PUDP: variants seen among roughly 807,000 people sequenced by gnomAD.
PUDP encodes the protein pseudouridine 5'-phosphatase, also known as pseudouridine-5'-phosphatase.
In PUDP, 8 loss-of-function variants were observed where a neutral mutation model predicts 9.4. That is an observed-to-expected ratio of 0.85 (90% CI 0.50 to 1.53). The LOEUF is 1.53. PUDP is among the 40% of genes most tolerant of loss of function. PUDP has a pLI of 0.00. For synonymous variants in PUDP, 99 were observed against 80.7 expected, an observed-to-expected ratio of 1.23 and a Z score of -1.22; for missense variants, 188 against 189.7, an observed-to-expected ratio of 0.99 and a Z score of 0.05.
intron 1 of PUDP, among the ~76,000 whole-genome samples, chrX:7,146,579 T>A (rs1932864315): frequency 1.8e-5 from 2 of 111,409 alleles, no homozygotes; most frequent in Non-Finnish European, 3.8e-5. Context: ...GGGATTTTTT[T>A]TTTCCTTTGG....
chrX:6,761,575 A>G (rs756572002), intron 3 of PUDP, among the ~76,000 whole-genome samples: 1 of 112,321 alleles, frequency 8.9e-6, no homozygotes, highest in Non-Finnish European at 1.9e-5. Context: ...TCTTTAAAAC[A>G]GTGCCCTTTG....
intron 3 of PUDP, among the ~76,000 whole-genome samples, chrX:6,948,169 A>G (rs1321448017): frequency 8.9e-6 from 1 of 112,206 alleles, no homozygotes; most frequent in Admixed American, 9.5e-5. Context: ...TTTTATATTG[A>G]CTCAGGAGAG....
intron 3 of PUDP, among the ~76,000 whole-genome samples, chrX:6,910,223 T>A (rs760130107): frequency 4.5e-5 from 5 of 112,032 alleles, no homozygotes; most frequent in Non-Finnish European, 9.4e-5. Context: ...ACCTTAACTG[T>A]GATAAGAATG....
In PUDP at chrX:6,829,716, A is replaced by G. The variant is rs1310684941; in HGVS notation, c.*248-123250T>C. On this transcript the variant is annotated intron_variant and NMD_transcript_variant, in intron 3 of 3. Transcript: ENST00000655425. ...TCTGTTATGACCTTGAGCCCATTTTAAAGTCAGGATATTGTTGCTTTTTAA... is the reference window on the plus strand; with the variant it reads ...TCTGTTATGACCTTGAGCCCATTTTGAAGTCAGGATATTGTTGCTTTTTAA... Among the ~76,000 whole-genome samples, 3 of 111,682 alleles carry G rather than the reference A, an allele frequency of 2.7e-5. No individual in the cohort carries two copies. In the East Asian group the frequency reaches 8.5e-4, roughly 32 times the overall value.
At chrX:6,766,350 G>A (rs1397375733) in intron 3 of PUDP, among the ~76,000 whole-genome samples, 1 of 111,657 alleles carries the variant, frequency 9.0e-6, no homozygotes, top group African/African-American at 3.3e-5. Flanking sequence ...CTTCTTATCT[G>A]GGATACTCTA....
chrX:6,991,201 C>G (rs1340092653), intron 1 of PUDP, among the ~76,000 whole-genome samples: 3 of 111,716 alleles, frequency 2.7e-5, no homozygotes, highest in East Asian at 5.6e-4. Context: ...TACTCTCCAG[C>G]GGACCATTCA....
intron 3 of PUDP, among the ~76,000 whole-genome samples, chrX:6,757,607 T>C (rs780749659): frequency 1.3e-3 from 142 of 111,907 alleles, no homozygotes; most frequent in African/African-American, 3.7e-3. Context: ...TGCAATGGGC[T>C]ATATATTTTT....
chrX:7,024,365 T>C (rs1356373942), intron 1 of PUDP, among the ~76,000 whole-genome samples: 4 of 111,860 alleles, frequency 3.6e-5, no homozygotes, highest in Admixed American at 1.9e-4. Flanking sequence ...CTTTCAATTC[T>C]TAGTCTGCTG....
At chrX:7,123,168 A>T (rs1162748896) in intron 1 of PUDP, among the ~76,000 whole-genome samples, 1 of 112,586 alleles carries the variant, frequency 8.9e-6, no homozygotes, top group Non-Finnish European at 1.9e-5. Flanking sequence ...GCCCCTTGGG[A>T]GATATTAAAG....
chrX:7,134,635 G>A lies in PUDP; in HGVS notation c.61+13418C>T, dbSNP rs140118497. Among the ~76,000 whole-genome samples the A allele has an allele frequency of 7.3e-3, 820 of 112,122 alleles. 8 individuals are homozygous for A. Among genetic ancestry groups the A allele is most frequent in the African/African-American group, 0.025 (785 of 30,860 alleles). On this transcript the variant is annotated intron_variant, in intron 1 of 3. Coordinates refer to ENST00000381077, the MANE Select transcript of PUDP (RefSeq NM_012080.5). ...GGCAAAAAGTAAGCTAGACCTTTAT[G>A]TCTACAGGTATTGTAATGGCAAAAA...
At chrX:6,992,327 C>T (rs1260255903) in intron 1 of PUDP, among the ~76,000 whole-genome samples, 1 of 74,209 alleles carries the variant, frequency 1.3e-5, no homozygotes, top group Non-Finnish European at 2.6e-5. Context: ...GGCTGGAGTG[C>T]AGTGGCGCAA....
intron 3 of PUDP, among the ~76,000 whole-genome samples, chrX:6,785,554 C>T (rs954397971): frequency 1.8e-5 from 2 of 110,501 alleles, no homozygotes; most frequent in South Asian, 3.9e-4. Flanking sequence ...ATACTTTGCG[C>T]GTTTTCTATT....
At chrX:7,110,691 G>A (rs1328561204) in intron 1 of PUDP, among the ~76,000 whole-genome samples, 1 of 110,691 alleles carries the variant, frequency 9.0e-6, no homozygotes, top group Non-Finnish European at 1.9e-5. Context: ...ATAGGGGTGC[G>A]GCAGTTTTAT....
chrX:7,058,788 T>C (rs747757285), intron 3 of PUDP, among the ~76,000 whole-genome samples: 2 of 112,035 alleles, frequency 1.8e-5, no homozygotes, highest in Admixed American at 1.9e-4. Flanking sequence ...ATATTATTCA[T>C]CAATCCATCC....
At chrX:6,991,267 AT>A (rs908346049) in intron 1 of PUDP, among the ~76,000 whole-genome samples, 4 of 110,285 alleles carry the variant, frequency 3.6e-5, no homozygotes, top group Non-Finnish European at 3.8e-5. Context: ...CTCTTTTAAG[AT>A]TTTTTTTTCT....
chrX:7,029,675 C>A (rs73627524), intron 1 of PUDP, among the ~76,000 whole-genome samples: 95 of 111,852 alleles, frequency 8.5e-4, no homozygotes, highest in African/African-American at 3.0e-3. Flanking sequence ...TTGTGGAATT[C>A]TATGAAGCAT....
At chrX:7,095,468 C>T (rs1186783570) in intron 2 of PUDP, among the ~76,000 whole-genome samples, 1 of 112,369 alleles carries the variant, frequency 8.9e-6, no homozygotes, top group Non-Finnish European at 1.9e-5. Context: ...GTGCATGTTT[C>T]CTGAACATGG....
At chrX:6,913,421 A>C (rs1010551272) in intron 3 of PUDP, among the ~76,000 whole-genome samples, 51 of 112,168 alleles carry the variant, frequency 4.5e-4, no homozygotes, top group African/African-American at 1.6e-3. Flanking sequence ...AAATGTTTTA[A>C]ATGTTGAAGA....
chrX:6,934,588 A>C (rs986621329), intron 3 of PUDP, among the ~76,000 whole-genome samples: 12 of 109,039 alleles, frequency 1.1e-4, no homozygotes, highest in Non-Finnish European at 1.9e-4. Context: ...CGAGCAAAAT[A>C]ACCAGCTAAC....
Sources: gnomAD v4.1 joint callset for allele counts (sites outside exome capture counted in the v4.1 genomes callset) on GRCh38, gnomAD v4.1.1 for gene constraint, MANE v1.5 for transcripts, NCBI Gene and HGNC (gene_info 2026-07-23, HGNC 2026-07-21) for gene names.